Variants in PIK3CD observed in about 807,000 individuals in gnomAD.
The protein encoded by PIK3CD is phosphatidylinositol-4,5-bisphosphate 3-kinase catalytic subunit delta, also known as phosphatidylinositol 4,5-bisphosphate 3-kinase catalytic subunit delta isoform.
A neutral mutation model predicts 122.9 loss-of-function variants in PIK3CD; 20 were observed. The ratio of observed to expected loss-of-function variants is 0.16; its 90% CI spans 0.11 to 0.24. The LOEUF (loss-of-function observed/expected upper bound fraction) is 0.24. PIK3CD is among the 10% of genes least tolerant of loss of function. The pLI is 1.00. For missense variants in PIK3CD, 787 were observed against 1,406.3 expected, an observed-to-expected ratio of 0.56 and a Z score of 7.04; for synonymous variants, 596 against 593.4, an observed-to-expected ratio of 1.00 and a Z score of -0.06.
rs1415585410 is a variant in PIK3CD at position 9,720,182 on chromosome 1, C to G, written c.1410C>G (p.Ala470=). Reference sequence around the variant, plus strand: ...ACCCCAACACGGATAGCGCCGCTGCCCTGCTCATCTGCCTGCCCGAGGTGG... The same window carrying G: ...ACCCCAACACGGATAGCGCCGCTGCGCTGCTCATCTGCCTGCCCGAGGTGG... ...RSNPNTDSAA[A]LLICLPEVAP... The change falls in exon 11 of 24, where the codon GCC becomes GCG. Residue 470 remains alanine (A), a synonymous_variant. Coordinates refer to ENST00000377346, the MANE Select transcript of PIK3CD (RefSeq NM_005026.5). The surrounding 1 kb of genome is among the most constrained non-coding windows in gnomAD (Gnocchi z 9.0). 3 of 1,612,252 alleles carry G rather than the reference C, an allele frequency of 1.9e-6. No homozygotes were observed. The African/African-American group carries it at 4.0e-5, about 22-fold the overall frequency.
intron 1 of PIK3CD, among the ~76,000 whole-genome samples, chr1:9,675,114 G>C (rs1431955166): frequency 6.6e-6 from 1 of 150,958 alleles, no homozygotes; most frequent in African/African-American, 2.4e-5. Flanking sequence ...GGCCGGGCGC[G>C]GTGGCTCACA....
chr1:9,674,119 G>A (rs966519852), intron 1 of PIK3CD, among the ~76,000 whole-genome samples: 1 of 152,192 alleles, frequency 6.6e-6, no homozygotes, highest in Non-Finnish European at 1.5e-5. Context: ...CACAGAGCCT[G>A]GGCCAGAGGC....
the PIK3CD span, among the ~76,000 whole-genome samples, chr1:9,628,122 G>A: frequency 6.6e-6 from 1 of 152,142 alleles, no homozygotes; most frequent in Non-Finnish European, 1.5e-5. Flanking sequence ...GGCCAACATG[G>A]TGAAACCCTG....
upstream of PIK3CD, among the ~76,000 whole-genome samples, chr1:9,650,527 G>C (rs1195941557): frequency 6.6e-6 from 1 of 152,144 alleles, no homozygotes; most frequent in Non-Finnish European, 1.5e-5. Flanking sequence ...GGGAGGCTGA[G>C]GTAGGAGAAT....
chr1:9,662,123 C>A (rs978296080), intron 1 of PIK3CD, among the ~76,000 whole-genome samples: 3 of 152,112 alleles, frequency 2.0e-5, no homozygotes, highest in Non-Finnish European at 4.4e-5. Flanking sequence ...CGAGATCATG[C>A]CACTGCACTC....
intron 1 of PIK3CD, among the ~76,000 whole-genome samples, chr1:9,677,945 A>G (rs1239876594): frequency 1.3e-5 from 2 of 151,852 alleles, no homozygotes; most frequent in African/African-American, 4.8e-5. Flanking sequence ...TGAGGTCAGG[A>G]GTTCGAGACC....
chr1:9,685,939 AT>A (rs1256605592), intron 1 of PIK3CD, among the ~76,000 whole-genome samples: 6 of 152,204 alleles, frequency 3.9e-5, no homozygotes, highest in Non-Finnish European at 8.8e-5. Context: ...ACACCTAGAA[AT>A]GCTGAATGCC....
intron 2 of PIK3CD, among the ~76,000 whole-genome samples, chr1:9,698,460 T>G (rs568634634): frequency 6.6e-6 from 1 of 152,334 alleles, no homozygotes; most frequent in East Asian, 1.9e-4. Flanking sequence ...CTTTCTAAAA[T>G]GCTTTATCAA....
Position 9,715,038 on chromosome 1 carries a change from ATGG to A in PIK3CD, c.142-497_142-495del, listed in dbSNP as rs1171906975. ...AAAAATACAAAAAATTTAGCCAGGC[ATGG>A]TGGTGCATGCCTATAATCCCAGCTA... On this transcript the variant is annotated intron_variant, in intron 3 of 23. Transcript: ENST00000377346. The surrounding 1 kb of genome is among the most constrained non-coding windows in gnomAD (Gnocchi z 4.1). Among the ~76,000 whole-genome samples the A allele has an allele frequency of 6.6e-6, 1 of 152,134 alleles. No individual in the cohort carries two copies. Among genetic ancestry groups the A allele is most frequent in the Non-Finnish European group, 1.5e-5 (1 of 68,026 alleles).
At chr1:9,726,440 C>T (rs888822998) in intron 23 of PIK3CD, among the ~76,000 whole-genome samples, 9 of 152,108 alleles carry the variant, frequency 5.9e-5, no homozygotes, top group Non-Finnish European at 1.3e-4. Flanking sequence ...ACCTGGGAGG[C>T]GGAGGTTGCA....
rs1478911548 is a variant in PIK3CD at position 9,680,971 on chromosome 1, T to A, written c.-137-10496T>A. The A allele has an allele frequency of 5.9e-5, 9 of 152,138 alleles. 1 individual carries two copies. Among genetic ancestry groups the A allele is most frequent in the Non-Finnish European group, 1.3e-4 (9 of 68,064 alleles). 9.4% of individuals were successfully genotyped at this position (152,138 alleles called of 1,614,324 possible). Reference sequence around the variant, plus strand: ...TTGAGCTTTCAGTGGAGGCTGCAGGTGTCTGGGGCTGGAGGTACCTGCCAC... The same window carrying A: ...TTGAGCTTTCAGTGGAGGCTGCAGGAGTCTGGGGCTGGAGGTACCTGCCAC... On this transcript the variant is annotated intron_variant, in intron 1 of 23. Coordinates refer to ENST00000377346, the MANE Select transcript of PIK3CD (RefSeq NM_005026.5).
At chr1:9,654,310 G>A (rs370034620) in intron 1 of PIK3CD, 35 of 1,367,720 alleles carry the variant, frequency 2.6e-5, no homozygotes, top group African/African-American at 4.4e-5. Flanking sequence ...AGTCCACGCC[G>A]CCAGGTCTTT....
the PIK3CD span, among the ~76,000 whole-genome samples, chr1:9,642,093 T>TC: frequency 1.4e-5 from 2 of 139,108 alleles, no homozygotes; most frequent in African/African-American, 5.8e-5. Flanking sequence ...TCTGTTCTAT[T>TC]TTTTAATTTA....
At chr1:9,656,792 A>T (rs1489222060) in intron 1 of PIK3CD, among the ~76,000 whole-genome samples, 1 of 151,930 alleles carries the variant, frequency 6.6e-6, no homozygotes, top group African/African-American at 2.4e-5. Flanking sequence ...AAAATTCAAA[A>T]ATTAGCCAGG....
intron 1 of PIK3CD, among the ~76,000 whole-genome samples, chr1:9,665,243 G>A (rs957121160): frequency 1.3e-5 from 2 of 148,888 alleles, no homozygotes; most frequent in African/African-American, 4.9e-5. Flanking sequence ...GTAATTTCAT[G>A]TTCTTCAGTC....
upstream of PIK3CD, among the ~76,000 whole-genome samples, chr1:9,650,130 G>C (rs1644644805): frequency 8.9e-6 from 1 of 112,348 alleles, no homozygotes; most frequent in African/African-American, 4.7e-5. Context: ...CTTCAGAAAG[G>C]AATAGGGCTT....
intron 1 of PIK3CD, among the ~76,000 whole-genome samples, chr1:9,675,845 A>G (rs1645514235): frequency 6.6e-6 from 1 of 151,956 alleles, no homozygotes; most frequent in Admixed American, 6.6e-5. Context: ...AGTTTACTGC[A>G]ACCTCAACCT....
At position 9,720,671 on chromosome 1, in the gene PIK3CD, G is replaced by T; in HGVS notation, c.1521+10G>T. ...TGTCACCGAGGAGGAGGTGAGTGGGGTGGGGGTGTGGGGTGGGGGGCATGG... is the reference window on the plus strand; with the variant it reads ...TGTCACCGAGGAGGAGGTGAGTGGGTTGGGGGTGTGGGGTGGGGGGCATGG... On this transcript the variant is annotated intron_variant, in intron 12 of 23. Coordinates refer to ENST00000377346, the MANE Select transcript of PIK3CD (RefSeq NM_005026.5). The surrounding 1 kb of genome is among the most constrained non-coding windows in gnomAD (Gnocchi z 9.0). The T allele has an allele frequency of 1.3e-6, 2 of 1,540,988 alleles. No homozygotes were observed. Among genetic ancestry groups the T allele is most frequent in the Non-Finnish European group, 1.7e-6 (2 of 1,145,654 alleles).
At chr1:9,726,276 A>C (rs920614384) in intron 23 of PIK3CD, among the ~76,000 whole-genome samples, 5 of 152,178 alleles carry the variant, frequency 3.3e-5, no homozygotes, top group Admixed American at 1.3e-4. Context: ...TGGGAGGCCA[A>C]GGCGGGTGAA....
Sources: allele counts gnomAD v4.1 joint callset (sites outside exome capture counted in the v4.1 genomes callset), GRCh38; gene constraint gnomAD v4.1.1; non-coding constraint Gnocchi (gnomAD v3.1); transcripts MANE v1.5; gene names NCBI Gene and HGNC (gene_info 2026-07-23, HGNC 2026-07-21).